Variants in MAN1A2 observed in about 807,000 individuals in gnomAD.
MAN1A2 encodes the protein mannosidase alpha class 1A member 2.
MAN1A2 carries 26 observed loss-of-function variants against 75.7 expected under a neutral mutation model. The observed-to-expected ratio is 0.34, with a 90% CI of 0.25 to 0.48. The LOEUF (loss-of-function observed/expected upper bound fraction) is 0.48, where lower values mean the gene tolerates loss of function less well. MAN1A2 is among the 20% of genes least tolerant of loss of function. The probability of loss-of-function intolerance (pLI) is 0.99; values close to 1 mark genes in which losing one functional copy is unlikely to be tolerated. For missense variants in MAN1A2, 562 were observed against 775.5 expected, an observed-to-expected ratio of 0.72 and a Z score of 3.27; for synonymous variants, 247 against 264.6, an observed-to-expected ratio of 0.93 and a Z score of 0.65.
At chr1:117,457,343 T>C (rs1649637275) in intron 6 of MAN1A2, among the ~76,000 whole-genome samples, 1 of 152,078 alleles carries the variant, frequency 6.6e-6, no homozygotes, top group Non-Finnish European at 1.5e-5. Flanking sequence ...CCAGACCTTT[T>C]ATTTTGATCA....
chr1:117,523,194 C>T lies in MAN1A2; in HGVS notation c.*237C>T, dbSNP rs533083202. 5.7e-5 allele frequency: 36 copies of T among 634,744 alleles called. No homozygotes were observed. Among genetic ancestry groups the T allele is most frequent in the Admixed American group, 2.7e-4 (13 of 47,282 alleles). 39.3% of individuals were successfully genotyped at this position (634,744 alleles called of 1,614,324 possible). ...GACAGAGACCTGGATGTGCTTTGAT[C>T]GTTAATGAGGTGGTCACATGAGAAA... On this transcript the variant is annotated 3_prime_UTR_variant, in exon 13 of 13. Coordinates refer to ENST00000356554, the MANE Select transcript of MAN1A2 (RefSeq NM_006699.5).
chr1:117,517,750 CA>C (rs1461851628), intron 12 of MAN1A2, among the ~76,000 whole-genome samples: 2 of 151,794 alleles, frequency 1.3e-5, no homozygotes, highest in Admixed American at 6.6e-5. Flanking sequence ...GAAATAATGG[CA>C]AAAAACTTTC....
At chr1:117,429,766 C>T in intron 5 of MAN1A2, among the ~76,000 whole-genome samples, 1 of 116,072 alleles carries the variant, frequency 8.6e-6, no homozygotes, top group Non-Finnish European at 1.9e-5. Flanking sequence ...GGGCTGACCC[C>T]CCCACCTCCC....
chr1:117,429,067 C>T (rs1404505390), intron 5 of MAN1A2, among the ~76,000 whole-genome samples: 1 of 147,430 alleles, frequency 6.8e-6, no homozygotes, highest in African/African-American at 2.5e-5. Flanking sequence ...GCCCTTAATC[C>T]ATTTAACCCT....
intron 8 of MAN1A2, among the ~76,000 whole-genome samples, chr1:117,469,473 A>C (rs544867609): frequency 1.1e-4 from 17 of 152,240 alleles, no homozygotes; most frequent in African/African-American, 4.1e-4. Context: ...GATTTGATTA[A>C]AATTGAAAAT....
At chr1:117,422,804 T>C (rs944456544) in intron 5 of MAN1A2, among the ~76,000 whole-genome samples, 2 of 152,140 alleles carry the variant, frequency 1.3e-5, no homozygotes, top group Non-Finnish European at 2.9e-5. Context: ...TTTACATATT[T>C]TGGACATAGG....
At chr1:117,469,886 T>C (rs549832749) in intron 8 of MAN1A2, among the ~76,000 whole-genome samples, 4 of 152,236 alleles carry the variant, frequency 2.6e-5, no homozygotes, top group South Asian at 4.1e-4. Flanking sequence ...TGTAAAATGG[T>C]GCAGCTGCTG....
In MAN1A2 at chr1:117,368,423, C is replaced by G. The variant is rs201150622; in HGVS notation, c.240C>G (p.Ala80=). 5.4e-5 allele frequency: 87 copies of G among 1,613,890 alleles called. No homozygotes were observed. In the East Asian group the frequency reaches 1.9e-3, roughly 36 times the overall value. ...LEDVLIPHVD[A]GKGAKNPGVF... ...ATGTGTTAATTCCACATGTAGATGC[C>G]GGTAAAGGGGCTAAAAACCCCGGAG... The change falls in exon 1 of 13, where the codon GCC becomes GCG. Residue 80 remains alanine (A), a synonymous_variant. Transcript: ENST00000356554.
chr1:117,492,278 G>C (rs1037475933), intron 8 of MAN1A2, among the ~76,000 whole-genome samples: 3 of 152,000 alleles, frequency 2.0e-5, no homozygotes, highest in African/African-American at 7.2e-5. Flanking sequence ...AGCCACCCCA[G>C]CCTTCAGCAG....
intron 5 of MAN1A2, among the ~76,000 whole-genome samples, chr1:117,431,470 A>C (rs1171299927): frequency 6.6e-6 from 1 of 152,096 alleles, no homozygotes; most frequent in African/African-American, 2.4e-5. Flanking sequence ...CAGAAAATCA[A>C]AGATGATGTA....
chr1:117,522,977 A>G lies in MAN1A2; in HGVS notation c.*20A>G. 1 of 1,609,320 alleles carries G rather than the reference A, an allele frequency of 6.2e-7. No individual in the cohort carries two copies. The highest frequency in any genetic ancestry group is 8.5e-7 in the Non-Finnish European group (1 of 1,177,996). On this transcript the variant is annotated 3_prime_UTR_variant, in exon 13 of 13. Transcript: ENST00000356554. ...CGATGAAAGCAGTTCCAGAAGGACCATTCTCACCTGTGTTTTGTTTACATG... is the reference window on the plus strand; with the variant it reads ...CGATGAAAGCAGTTCCAGAAGGACCGTTCTCACCTGTGTTTTGTTTACATG...
chr1:117,394,196 C>G (rs1653833912), intron 1 of MAN1A2, among the ~76,000 whole-genome samples: 1 of 152,038 alleles, frequency 6.6e-6, no homozygotes, highest in African/African-American at 2.4e-5. Flanking sequence ...ATTCTCCTGC[C>G]TCAGCCTCCT....
intron 5 of MAN1A2, among the ~76,000 whole-genome samples, chr1:117,421,266 A>C (rs1648179202): frequency 6.6e-6 from 1 of 152,056 alleles, no homozygotes; most frequent in South Asian, 2.1e-4. Context: ...TTGTTTTTTG[A>C]GCAACTGTTT....
At chr1:117,443,483 GTCAGAA>G (rs1557952898) in intron 6 of MAN1A2, among the ~76,000 whole-genome samples, 1 of 151,982 alleles carries the variant, frequency 6.6e-6, no homozygotes, top group Non-Finnish European at 1.5e-5. Context: ...CAGGATCATC[GTCAGAA>G]TCAGACATTA....
At chr1:117,410,513 A>G (rs186001691) in intron 3 of MAN1A2, among the ~76,000 whole-genome samples, 106 of 151,836 alleles carry the variant, frequency 7.0e-4, no homozygotes, top group South Asian at 1.0e-3. Context: ...TTGAAAGACT[A>G]TATGCTTTCC....
intron 1 of MAN1A2, among the ~76,000 whole-genome samples, chr1:117,382,695 G>A (rs1653389654): frequency 6.6e-6 from 1 of 152,122 alleles, no homozygotes; most frequent in Admixed American, 6.6e-5. Context: ...GAACTTTAAA[G>A]TAGTTTTTTC....
chr1:117,476,289 T>G (rs1475799543), intron 8 of MAN1A2, among the ~76,000 whole-genome samples: 1 of 152,154 alleles, frequency 6.6e-6, no homozygotes, highest in African/African-American at 2.4e-5. Context: ...TGCAAAAATT[T>G]TCTCCCATTC....
At chr1:117,507,955 A>G (rs2101886764) in intron 12 of MAN1A2, among the ~76,000 whole-genome samples, 1 of 151,886 alleles carries the variant, frequency 6.6e-6, no homozygotes, top group South Asian at 2.1e-4. Flanking sequence ...ATTAGCAGAT[A>G]GAACACCAAG....
chr1:117,428,401 C>T (rs981045563), intron 5 of MAN1A2, among the ~76,000 whole-genome samples: 1 of 151,896 alleles, frequency 6.6e-6, no homozygotes, highest in Admixed American at 6.6e-5. Flanking sequence ...AAATGAAAGC[C>T]ACTGTGCCCT....
Sources: allele counts gnomAD v4.1 joint callset (sites outside exome capture counted in the v4.1 genomes callset), GRCh38; gene constraint gnomAD v4.1.1; transcripts MANE v1.5; gene names NCBI Gene and HGNC (gene_info 2026-07-23, HGNC 2026-07-21).